Variants in SYT17 observed in about 807,000 individuals in gnomAD.
The protein encoded by SYT17 is synaptotagmin 17.
A neutral mutation model predicts 46.7 loss-of-function variants in SYT17; 22 were observed. The observed-to-expected ratio is 0.47, with a 90% CI of 0.34 to 0.67. The LOEUF (loss-of-function observed/expected upper bound fraction) is 0.67, where lower values mean the gene tolerates loss of function less well. Among genes scored for constraint, SYT17 ranks in the 30% least tolerant of loss-of-function variants. SYT17 has a pLI of 0.01. For missense variants in SYT17, 519 were observed against 612.8 expected (o/e 0.85, Z 1.62); for synonymous variants, 251 against 248.4 (o/e 1.01, Z -0.10).
chr16:19,172,350 G>A (rs978297665), intron 1 of SYT17: 124 of 1,382,466 alleles, frequency 9.0e-5, no homozygotes, highest in Non-Finnish European at 1.1e-4. Flanking sequence ...GTGCCTGCCT[G>A]CATGTTAGCT....
At chr16:19,234,384 G>A (rs569766727) in intron 7 of SYT17, among the ~76,000 whole-genome samples, 5 of 151,840 alleles carry the variant, frequency 3.3e-5, no homozygotes, top group African/African-American at 7.3e-5. Flanking sequence ...TATGGGCATC[G>A]GGCAAACTAT....
chr16:19,202,270 C>T (rs916185278), intron 5 of SYT17, among the ~76,000 whole-genome samples: 1 of 152,172 alleles, frequency 6.6e-6, no homozygotes, highest in Non-Finnish European at 1.5e-5. Flanking sequence ...ACGACCCCCT[C>T]CTCAAGTTCA....
At chr16:19,202,396 C>T (rs1965501726) in intron 5 of SYT17, among the ~76,000 whole-genome samples, 1 of 152,210 alleles carries the variant, frequency 6.6e-6, no homozygotes, top group Non-Finnish European at 1.5e-5. Context: ...TAGGGCAAGG[C>T]ATGAGGCAGG....
chr16:19,180,978 G>C (rs777634192), intron 4 of SYT17, among the ~76,000 whole-genome samples: 26 of 152,174 alleles, frequency 1.7e-4, no homozygotes, highest in Non-Finnish European at 2.4e-4. Context: ...GGCAGCTGCC[G>C]CTCTGTCTGG....
chr16:19,172,781 G>A lies in SYT17; in HGVS notation c.33+4G>A. 2.5e-6 allele frequency: 4 copies of A among 1,614,008 alleles called. No homozygotes were observed. The highest frequency in any genetic ancestry group is 1.7e-5 in the Admixed American group (1 of 60,002). ...GCAGTTGGAACCATTAAACGAGGTG[G>A]GTTCATTTGATGATTTGTTTGGTCT... is the stretch of plus-strand genomic sequence containing the variant. On this transcript the variant is annotated splice_donor_region_variant and intron_variant, in intron 2 of 7. Transcript: ENST00000355377.
chr16:19,220,877 A>G (rs985034034), intron 5 of SYT17, among the ~76,000 whole-genome samples: 3 of 152,082 alleles, frequency 2.0e-5, no homozygotes, highest in Admixed American at 6.5e-5. Context: ...GTGATCAGAC[A>G]TTACCTGAGG....
At chr16:19,249,983 C>T (rs979564235) in intron 7 of SYT17, 10 of 1,535,918 alleles carry the variant, frequency 6.5e-6, no homozygotes, top group African/African-American at 1.4e-5. Flanking sequence ...AGTAGTCACC[C>T]AGCTCATGGT....
intron 5 of SYT17, among the ~76,000 whole-genome samples, chr16:19,203,195 A>G (rs1965532014): frequency 6.6e-6 from 1 of 152,184 alleles, no homozygotes; most frequent in Admixed American, 6.5e-5. Flanking sequence ...AGGGGAAAAT[A>G]AAGGAAAGCA....
intron 7 of SYT17, among the ~76,000 whole-genome samples, chr16:19,235,157 G>C (rs1338476295): frequency 2.0e-5 from 3 of 152,172 alleles, no homozygotes; most frequent in African/African-American, 7.2e-5. Context: ...GCCCCTGAGA[G>C]CTACAGTATG....
At chr16:19,253,014 A>G (rs887904232) in intron 7 of SYT17, among the ~76,000 whole-genome samples, 2 of 152,188 alleles carry the variant, frequency 1.3e-5, no homozygotes, top group Admixed American at 6.5e-5. Flanking sequence ...ACAGGTTTCC[A>G]GGTGATGCTG....
In SYT17 at chr16:19,173,281, G is replaced by A. The variant is rs1222666885; in HGVS notation, c.34-149G>A. ...TGGAAAACATTTTGTTCTAAGTGCT[G>A]AGCAGCAGAGCCAGAACTCCTGAAT... On this transcript the variant is annotated intron_variant, in intron 2 of 7. Transcript: ENST00000355377. 9 of 590,484 alleles carry A rather than the reference G, an allele frequency of 1.5e-5. No individual in the cohort carries two copies. The South Asian group carries it at 1.8e-4, about 12-fold the overall frequency. 36.6% of individuals were successfully genotyped at this position (590,484 alleles called of 1,614,324 possible). A position where few individuals can be genotyped will look rare whatever the true frequency, so the allele number is the denominator to read the frequency against.
rs576544198 is a variant in SYT17, at chr16:19,227,908, C to T, written c.1228+3070C>T. Among the ~76,000 whole-genome samples, 7 of 152,320 alleles carry T rather than the reference C, an allele frequency of 4.6e-5. No individual in the cohort carries two copies. The South Asian group carries it at 1.4e-3, about 32-fold the overall frequency. Reference sequence around the variant, plus strand: ...ACATTCCATGGATACCACACTGACACTTGCTTTGGTTTAATTAACAATGAA... The same window carrying T: ...ACATTCCATGGATACCACACTGACATTTGCTTTGGTTTAATTAACAATGAA... On this transcript the variant is annotated intron_variant, in intron 7 of 7. Transcript: ENST00000355377.
chr16:19,185,325 G>A (rs981108188), intron 5 of SYT17, among the ~76,000 whole-genome samples: 3 of 152,326 alleles, frequency 2.0e-5, no homozygotes, highest in Non-Finnish European at 2.9e-5. Context: ...AGTGGCTTAC[G>A]CCTGTAATCC....
intron 7 of SYT17, among the ~76,000 whole-genome samples, chr16:19,231,270 G>T (rs1054929483): frequency 1.3e-5 from 2 of 151,956 alleles, no homozygotes; most frequent in African/African-American, 4.8e-5. Context: ...CTTCTGAAAG[G>T]CACTCAAAAC....
chr16:19,217,781 A>G (rs1966152165), intron 5 of SYT17, among the ~76,000 whole-genome samples: 2 of 152,362 alleles, frequency 1.3e-5, no homozygotes, highest in South Asian at 4.1e-4. Context: ...CATTACCACC[A>G]GCAGTATACA....
At chr16:19,231,630 G>T (rs1372675328) in intron 7 of SYT17, among the ~76,000 whole-genome samples, 1 of 152,044 alleles carries the variant, frequency 6.6e-6, no homozygotes, top group African/African-American at 2.4e-5. Context: ...CAAAGCCTGG[G>T]GGAAGGCAGG....
intron 7 of SYT17, among the ~76,000 whole-genome samples, chr16:19,245,543 C>G (rs1967482962): frequency 6.6e-6 from 1 of 152,188 alleles, no homozygotes; most frequent in African/African-American, 2.4e-5. Flanking sequence ...CTTGTTTACT[C>G]TCCTTATGGC....
chr16:19,240,823 G>C (rs894645637), intron 7 of SYT17, among the ~76,000 whole-genome samples: 16 of 152,204 alleles, frequency 1.1e-4, no homozygotes, highest in African/African-American at 3.9e-4. Context: ...CAGCCTCCCC[G>C]TCATACTTGC....
At chr16:19,215,581 T>G (rs1293942845) in intron 5 of SYT17, among the ~76,000 whole-genome samples, 1 of 152,138 alleles carries the variant, frequency 6.6e-6, no homozygotes, top group Non-Finnish European at 1.5e-5. Flanking sequence ...CTGGCTAATT[T>G]TTTAATTTTT....
Sources: gnomAD v4.1 joint callset for allele counts (sites outside exome capture counted in the v4.1 genomes callset) on GRCh38, gnomAD v4.1.1 for gene constraint, MANE v1.5 for transcripts, NCBI Gene and HGNC (gene_info 2026-07-23, HGNC 2026-07-21) for gene names.